PARVB: variants seen among roughly 807,000 people sequenced by gnomAD.
The protein encoded by PARVB is beta-parvin.
A neutral mutation model predicts 47.0 loss-of-function variants in PARVB; 46 were observed. That is an observed-to-expected ratio of 0.98 (90% CI 0.77 to 1.25). The LOEUF (loss-of-function observed/expected upper bound fraction) is 1.25, where lower values mean the gene tolerates loss of function less well. Among genes scored for constraint, PARVB ranks in the 50% most tolerant of loss-of-function variants. The probability of loss-of-function intolerance (pLI) is 0.00; values close to 1 mark genes in which losing one functional copy is unlikely to be tolerated. For missense variants in PARVB, 473 were observed against 471.6 expected (o/e 1.00, Z -0.03); for synonymous variants, 196 against 196.3 (o/e 1.00, Z 0.01).
chr22:44,023,305 G>A (rs147560545), upstream of PARVB, among the ~76,000 whole-genome samples: 1 of 151,474 alleles, frequency 6.6e-6, no homozygotes, highest in Admixed American at 6.6e-5. Context: ...GAGGTCAGGG[G>A]TTCGAGACCA....
upstream of PARVB, among the ~76,000 whole-genome samples, chr22:44,021,932 G>A (rs1277467139): frequency 2.0e-5 from 3 of 152,076 alleles, no homozygotes; most frequent in Non-Finnish European, 1.5e-5. Context: ...AGATTTGCCC[G>A]TGCAGCCTCC....
intron 8 of PARVB, chr22:44,140,501 G>C (rs747608508): frequency 1.7e-6 from 1 of 594,956 alleles, no homozygotes. Context: ...CACATGGAGC[G>C]TCGTTAGCTG....
chr22:44,081,333 T>C (rs1440309277), intron 1 of PARVB, among the ~76,000 whole-genome samples: 1 of 152,158 alleles, frequency 6.6e-6, no homozygotes. Flanking sequence ...GAAGCTTTCA[T>C]GGAGGCATCT....
chr22:44,120,826 C>T (rs1601635590), intron 4 of PARVB, among the ~76,000 whole-genome samples: 1 of 150,772 alleles, frequency 6.6e-6, no homozygotes, highest in Admixed American at 6.6e-5. Context: ...CAGATGTGTA[C>T]CACCACACTT....
intron 11 of PARVB, among the ~76,000 whole-genome samples, chr22:44,159,871 C>G (rs949838476): frequency 1.3e-5 from 2 of 152,134 alleles, no homozygotes; most frequent in Non-Finnish European, 2.9e-5. Flanking sequence ...GCTGAGACCC[C>G]GAGGTGCGTT....
intron 1 of PARVB, among the ~76,000 whole-genome samples, chr22:44,067,697 C>G (rs1025672468): frequency 2.6e-5 from 4 of 152,232 alleles, no homozygotes; most frequent in Admixed American, 6.5e-5. Flanking sequence ...AGTCTCCCAG[C>G]AGGAAAACTG....
At chr22:44,137,175 A>G (rs16991548) in intron 7 of PARVB, among the ~76,000 whole-genome samples, 1,609 of 152,370 alleles carry the variant, frequency 0.011, 31 homozygotes, top group African/African-American at 0.036. Context: ...TCACAGAGTG[A>G]TTAATTACTG....
chr22:44,091,253 G>C (rs1048350569), intron 1 of PARVB, among the ~76,000 whole-genome samples: 1 of 150,288 alleles, frequency 6.7e-6, no homozygotes, highest in African/African-American at 2.4e-5. Flanking sequence ...GCTGGAATGT[G>C]GGTTACCTGG....
chr22:44,120,419 G>A (rs2053018332), intron 4 of PARVB, among the ~76,000 whole-genome samples: 2 of 152,096 alleles, frequency 1.3e-5, no homozygotes, highest in South Asian at 4.2e-4. Context: ...GAAGGGTCTG[G>A]GCCTCTTGTC....
intron 1 of PARVB, among the ~76,000 whole-genome samples, chr22:44,069,853 G>A (rs1025004961): frequency 6.6e-6 from 1 of 152,142 alleles, no homozygotes; most frequent in East Asian, 1.9e-4. Context: ...AGTGGTCTTC[G>A]GTTCTGTGTT....
At chr22:44,100,026 AC>A in intron 2 of PARVB, 26 bp from the exon 3 acceptor site, 1 of 1,606,100 alleles carries the variant, frequency 6.2e-7, no homozygotes, top group Non-Finnish European at 8.5e-7. Flanking sequence ...ACAATCGCTG[AC>A]CGTGACTTCC....
At chr22:44,156,524 A>G (rs188936508) in intron 10 of PARVB, among the ~76,000 whole-genome samples, 124 of 152,146 alleles carry the variant, frequency 8.2e-4, no homozygotes, top group African/African-American at 2.6e-3. Context: ...TGATCCACCC[A>G]CCTTGGCCAC....
intron 3 of PARVB, chr22:44,112,592 T>G (rs2052727011): frequency 6.6e-6 from 1 of 152,634 alleles, no homozygotes; most frequent in Non-Finnish European, 1.5e-5. Flanking sequence ...CAGGGTGGAG[T>G]GCAGTGGTGC....
chr22:44,048,762 A>G (rs967515841), intron 1 of PARVB, among the ~76,000 whole-genome samples: 4 of 152,030 alleles, frequency 2.6e-5, no homozygotes, highest in African/African-American at 7.2e-5. Context: ...GGGTTTCACC[A>G]TGTTGGTCAG....
At chr22:44,063,961 T>C (rs568935067) in intron 1 of PARVB, among the ~76,000 whole-genome samples, 8 of 152,254 alleles carry the variant, frequency 5.3e-5, no homozygotes, top group Non-Finnish European at 1.0e-4. Context: ...GTGGATGGGG[T>C]GCGGTGCGGC....
intron 1 of PARVB, among the ~76,000 whole-genome samples, chr22:44,051,930 C>G (rs1054796006): frequency 2.0e-5 from 3 of 151,280 alleles, no homozygotes; most frequent in Non-Finnish European, 4.4e-5. Context: ...GATGCTGCCA[C>G]AAGCCAAGAT....
intron 11 of PARVB, among the ~76,000 whole-genome samples, chr22:44,161,308 C>CTT (rs769442547): frequency 0.24 from 30,847 of 128,462 alleles, 3,935 homozygotes; most frequent in Non-Finnish European, 0.26. Context: ...TTTTTCTTTT[C>CTT]TTTTTTTTTT....
intron 1 of PARVB, among the ~76,000 whole-genome samples, chr22:44,085,516 C>G (rs961630395): frequency 3.3e-5 from 5 of 152,078 alleles, no homozygotes; most frequent in Non-Finnish European, 7.4e-5. Context: ...TGTTGCCCCG[C>G]TGGTCTCGAA....
chr22:44,106,450 G>A (rs934048238), intron 3 of PARVB: 5 of 152,148 alleles, frequency 3.3e-5, no homozygotes, highest in African/African-American at 1.2e-4. Flanking sequence ...GTGGTTCCTC[G>A]GAGGCATTTG....
Sources: gnomAD v4.1 joint callset for allele counts (sites outside exome capture counted in the v4.1 genomes callset) on GRCh38, gnomAD v4.1.1 for gene constraint, MANE v1.5 for transcripts, NCBI Gene and HGNC (gene_info 2026-07-23, HGNC 2026-07-21) for gene names.